DMRT1: variants seen among roughly 807,000 people sequenced by gnomAD.
DMRT1 encodes the protein doublesex- and mab-3-related transcription factor 1.
A neutral mutation model predicts 32.3 loss-of-function variants in DMRT1; 7 were observed. That is an observed-to-expected ratio of 0.22 (90% CI 0.12 to 0.41). DMRT1 has a LOEUF of 0.41. Among genes scored for constraint, DMRT1 ranks in the 10% least tolerant of loss-of-function variants. The probability of loss-of-function intolerance (pLI) is 1.00; values close to 1 mark genes in which losing one functional copy is unlikely to be tolerated. For synonymous variants in DMRT1, 278 were observed against 206.1 expected (o/e 1.35, Z -2.99); for missense variants, 625 against 500.5 (o/e 1.25, Z -2.37).
chr9:867,960 A>G (rs1343545554), intron 2 of DMRT1, among the ~76,000 whole-genome samples: 1 of 152,202 alleles, frequency 6.6e-6, no homozygotes, highest in Non-Finnish European at 1.5e-5. Context: ...TGATATGTAC[A>G]ATCTCACTTA....
At chr9:870,585 G>A (rs940110221) in intron 2 of DMRT1, among the ~76,000 whole-genome samples, 2 of 151,822 alleles carry the variant, frequency 1.3e-5, no homozygotes, top group Admixed American at 6.6e-5. Flanking sequence ...TAAGCTTTCT[G>A]ATACTTTTTT....
chr9:961,739 T>G (rs1819779691), intron 4 of DMRT1, among the ~76,000 whole-genome samples: 1 of 152,224 alleles, frequency 6.6e-6, no homozygotes, highest in South Asian at 2.1e-4. Flanking sequence ...AAACAGACCT[T>G]GTACTAAATC....
intron 4 of DMRT1, among the ~76,000 whole-genome samples, chr9:926,995 C>T (rs1818547235): frequency 6.6e-6 from 1 of 152,154 alleles, no homozygotes; most frequent in African/African-American, 2.4e-5. Flanking sequence ...TTGGGCCCTC[C>T]TTGGATGTGA....
chr9:853,421 T>C (rs1220585888), intron 2 of DMRT1, among the ~76,000 whole-genome samples: 2 of 152,070 alleles, frequency 1.3e-5, no homozygotes, highest in East Asian at 3.8e-4. Context: ...TTTTAAACAT[T>C]TTAGAGTTTT....
chr9:864,499 C>CTTTTTT (rs57418212), intron 2 of DMRT1, among the ~76,000 whole-genome samples: 1 of 108,898 alleles, frequency 9.2e-6, no homozygotes, highest in East Asian at 2.7e-4. Context: ...AGCCAGTACT[C>CTTTTTT]TTTTTTTTTT....
rs1013944309 is a variant in DMRT1, at chr9:969,058, G to C, written c.*919G>C. The C allele has an allele frequency of 2.0e-5, 3 of 152,632 alleles. No individual in the cohort carries two copies. Among genetic ancestry groups the C allele is most frequent in the Admixed American group, 6.5e-5 (1 of 15,282 alleles). The allele number at this position is 152,632 out of a possible 1,614,324, so 9.5% of individuals were successfully genotyped here. On this transcript the variant is annotated 3_prime_UTR_variant, in exon 5 of 5. Transcript: ENST00000382276. ...TTCATTGTTCTACTTAGTTGCAGCTGTACCTGAAATAAAAATGTTATTGAT... is the reference window on the plus strand; with the variant it reads ...TTCATTGTTCTACTTAGTTGCAGCTCTACCTGAAATAAAAATGTTATTGAT...
chr9:888,007 C>G (rs1429059783), intron 2 of DMRT1, among the ~76,000 whole-genome samples: 1 of 152,102 alleles, frequency 6.6e-6, no homozygotes, highest in South Asian at 2.1e-4. Context: ...TTTGTAACAC[C>G]TGCTCCTCTG....
chr9:862,373 C>T (rs970884504), intron 2 of DMRT1, among the ~76,000 whole-genome samples: 4 of 152,040 alleles, frequency 2.6e-5, no homozygotes, highest in Admixed American at 2.0e-4. Flanking sequence ...TGGCGGCGCG[C>T]GCCTGCAGTC....
chr9:891,371 A>G (rs927609880), intron 2 of DMRT1, among the ~76,000 whole-genome samples: 5 of 151,942 alleles, frequency 3.3e-5, no homozygotes, highest in Admixed American at 2.0e-4. Context: ...GGATCGCTTG[A>G]GCCCAGAAGG....
In DMRT1 at chr9:894,050, A is replaced by G; in HGVS notation, c.677A>G (p.Tyr226Cys). Residue 226 changes from tyrosine to cysteine, a missense_variant, in exon 3 of 5, where the codon TAC (tyrosine) becomes TGC (cysteine). Around this residue, in one of 3 missense-constraint regions of DMRT1, gnomAD observed 416 missense variants for 321.6 expected, o/e 1.29. Coordinates refer to ENST00000382276, the MANE Select transcript of DMRT1 (RefSeq NM_021951.3). The stretch of plus-strand genomic sequence containing the variant: ...CTGTTTCCTTATTACAACAATCTAT[A>G]CAACTGCCCGCAGTACTCCATGGCC... ...PSLFPYYNNL[Y>C]NCPQYSMALA... 1 of 1,614,210 alleles carries G rather than the reference A, an allele frequency of 6.2e-7. No individual in the cohort carries two copies. Among genetic ancestry groups the G allele is most frequent in the Non-Finnish European group, 8.5e-7 (1 of 1,180,042 alleles).
chr9:967,073 G>A (rs1369845609), intron 4 of DMRT1, among the ~76,000 whole-genome samples: 1 of 152,202 alleles, frequency 6.6e-6, no homozygotes, highest in Non-Finnish European at 1.5e-5. Context: ...CTGCCCGGCA[G>A]AATCCTGAGG....
rs528193658 is a variant in DMRT1 at position 884,165 on chromosome 9, C to T, written c.539-9747C>T. 1.1e-4 allele frequency among the ~76,000 whole-genome samples: 16 copies of T among 152,052 alleles called. No homozygotes were observed. The South Asian group carries it at 3.3e-3, about 32-fold the overall frequency. ...ATTTGAACACAAAGGACTCAAAGTG[C>T]AACAACTTTGGGAATCATGACACCA... On this transcript the variant is annotated intron_variant, in intron 2 of 4. Coordinates refer to ENST00000382276, the MANE Select transcript of DMRT1 (RefSeq NM_021951.3).
chr9:921,059 G>C (rs966193863), intron 4 of DMRT1, among the ~76,000 whole-genome samples: 2 of 152,090 alleles, frequency 1.3e-5, no homozygotes, highest in Non-Finnish European at 2.9e-5. Flanking sequence ...CATAATTAAA[G>C]TGTACAATTC....
chr9:911,421 A>T (rs1026166044), intron 3 of DMRT1, among the ~76,000 whole-genome samples: 2 of 147,342 alleles, frequency 1.4e-5, no homozygotes, highest in African/African-American at 5.0e-5. Context: ...AGCAGGAAGT[A>T]ATTTAGTTTG....
intron 3 of DMRT1, among the ~76,000 whole-genome samples, chr9:914,071 G>A (rs1057025494): frequency 6.6e-6 from 1 of 152,134 alleles, no homozygotes; most frequent in South Asian, 2.1e-4. Context: ...CGCATTGAGA[G>A]CTGCTGGGAA....
intron 3 of DMRT1, among the ~76,000 whole-genome samples, chr9:911,726 A>G (rs1480460190): frequency 1.3e-5 from 2 of 152,118 alleles, no homozygotes; most frequent in Non-Finnish European, 2.9e-5. Context: ...TCCTGACCTC[A>G]GGTGATCCAC....
chr9:962,287 T>G (rs1819798947), intron 4 of DMRT1, among the ~76,000 whole-genome samples: 1 of 152,076 alleles, frequency 6.6e-6, no homozygotes, highest in African/African-American at 2.4e-5. Context: ...TTCCCACAAC[T>G]GACTGAGTTT....
intron 4 of DMRT1, among the ~76,000 whole-genome samples, chr9:947,663 G>A (rs1469125102): frequency 6.6e-6 from 1 of 152,072 alleles, no homozygotes; most frequent in Non-Finnish European, 1.5e-5. Flanking sequence ...TGACTCTGTT[G>A]CTCAGGCTGG....
chr9:846,847 G>C (rs1410025722), intron 1 of DMRT1, 113 bp from the exon 2 acceptor site: 24 of 1,311,764 alleles, frequency 1.8e-5, no homozygotes, highest in South Asian at 5.9e-5. Context: ...GAGATTTTCA[G>C]ACCTCACCTC....
Sources: gnomAD v4.1 joint callset for allele counts (sites outside exome capture counted in the v4.1 genomes callset) on GRCh38, gnomAD v4.1.1 for gene constraint, gnomAD v4.1.1 regional missense constraint, MANE v1.5 for transcripts, NCBI Gene and HGNC (gene_info 2026-07-23, HGNC 2026-07-21) for gene names.